Variants in ABCA8 observed in about 807,000 individuals in gnomAD.
ABCA8 encodes the protein ATP binding cassette subfamily A member 8.
In ABCA8, 177 loss-of-function variants were observed where a neutral mutation model predicts 192.3. That is an observed-to-expected ratio of 0.92 (90% confidence interval 0.81 to 1.04). The LOEUF is 1.04. Among genes scored for constraint, ABCA8 ranks in the 50% least tolerant of loss-of-function variants. The pLI, the probability that ABCA8 is intolerant of heterozygous loss-of-function variation, is 0.00. For missense variants in ABCA8, 1,915 were observed against 1,904.8 expected (o/e 1.01, Z -0.10); for synonymous variants, 642 against 690.2 (o/e 0.93, Z 1.09).
intron 11 of ABCA8, 36 bp downstream of exon 11, chr17:68,924,665 C>A (rs2067646903): frequency 6.3e-7 from 1 of 1,593,186 alleles, no homozygotes; most frequent in Non-Finnish European, 8.5e-7. Context: ...TAGCTTCCTG[C>A]CTTTTTGCCC....
chr17:68,882,624 G>A lies in ABCA8; in HGVS notation c.3803C>T (p.Ala1268Val). 1.2e-6 allele frequency: 2 copies of A among 1,612,134 alleles called. No individual in the cohort carries two copies. Among genetic ancestry groups the A allele is most frequent in the Middle Eastern group, 3.3e-4 (2 of 6,056 alleles). ...CTCATCAAAATTAGTAGAATTCAAG[G>A]CATTTGCTGTTCTCACTCTTTCCAT... ...VQMERVRTANALNSTNFDEKP... is the reference protein window; with the variant it reads ...VQMERVRTANVLNSTNFDEKP... The change falls in exon 30 of 40, where the codon GCC (alanine) becomes GTC (valine). Residue 1268 changes from alanine to valine, a missense_variant. Transcript: ENST00000586539.
In ABCA8 at chr17:68,932,483, A is replaced by C. The variant is rs1426037052; in HGVS notation, c.602T>G (p.Leu201Arg). The C allele has an allele frequency of 6.2e-7, 1 of 1,613,792 alleles. No individual in the cohort carries two copies. The highest frequency in any genetic ancestry group is 8.5e-7 in the Non-Finnish European group (1 of 1,179,646). Reference sequence around the variant, plus strand: ...CATATTTTTTCCAGTAACTGACATCAGCTCCTCCATCACTGAGTGATTTGT... The same window carrying C: ...CATATTTTTTCCAGTAACTGACATCCGCTCCTCCATCACTGAGTGATTTGT... ...ITTNHSVMEELMSVTGKNMKM... is the reference protein window; with the variant it reads ...ITTNHSVMEERMSVTGKNMKM... Residue 201 changes from leucine (L) to arginine (R), a missense_variant, in exon 7 of 40, where the codon CTG (leucine) becomes CGG (arginine). Coordinates refer to ENST00000586539, the MANE Select transcript of ABCA8 (RefSeq NM_001288985.2).
In ABCA8 at chr17:68,922,239, T is replaced by A. The variant is rs750734982; in HGVS notation, c.1501+3A>T. On this transcript the variant is annotated splice_donor_region_variant and intron_variant, in intron 12 of 39. Coordinates refer to ENST00000586539, the MANE Select transcript of ABCA8 (RefSeq NM_001288985.2). ...TTTTTTTTTTTTTTTTTTTTTTTTT[T>A]ACCTTTCAAGGCTTCTATTTTATCA... The A allele has an allele frequency of 1.7e-4, 85 of 509,214 alleles. 1 individual carries two copies. The highest frequency in any genetic ancestry group is 7.8e-4 in the African/African-American group (28 of 36,120). 31.5% of individuals were successfully genotyped at this position (509,214 alleles called of 1,614,324 possible). A position where few individuals can be genotyped will look rare whatever the true frequency, so the allele number is the denominator to read the frequency against.
chr17:68,920,557 T>G (rs935870802), intron 13 of ABCA8, among the ~76,000 whole-genome samples: 1 of 152,192 alleles, frequency 6.6e-6, no homozygotes, highest in Non-Finnish European at 1.5e-5. Context: ...CAATTAAATA[T>G]TACATACTTC....
intron 21 of ABCA8, among the ~76,000 whole-genome samples, chr17:68,899,423 G>A (rs2066849924): frequency 1.3e-5 from 2 of 152,002 alleles, no homozygotes; most frequent in Admixed American, 1.3e-4. Context: ...AATACATCAT[G>A]CAAGATAAAA....
At chr17:68,918,930 C>CAAAAAAAAAA (rs34377045) in intron 14 of ABCA8, among the ~76,000 whole-genome samples, 4 of 45,936 alleles carry the variant, frequency 8.7e-5, no homozygotes, top group African/African-American at 3.1e-4. Context: ...AACTCTGTCT[C>CAAAAAAAAAA]AAAAAAAAAA....
intron 32 of ABCA8, chr17:68,878,463 A>G (rs2066260512): frequency 6.6e-6 from 1 of 152,168 alleles, no homozygotes; most frequent in South Asian, 2.1e-4. Context: ...TTGCAAGACA[A>G]GCAGGGATGT....
chr17:68,869,700 C>T lies in ABCA8; in HGVS notation c.4711G>A (p.Val1571Ile), dbSNP rs1475065005. 2 of 1,602,862 alleles carry T rather than the reference C, an allele frequency of 1.2e-6. No individual in the cohort carries two copies. Among genetic ancestry groups the T allele is most frequent in the South Asian group, 1.1e-5 (1 of 90,712 alleles). ...LAQAFFKLEK[V>I]KQSFDLEEYS... ...CGTACTTCAAAGTCATACTTCTTAC[C>T]CTTCTCTAATTTGAAGAAAGCTTGG... Residue 1571 changes from valine to isoleucine, a missense_variant and splice_region_variant, in exon 38 of 40, where the codon GTT becomes ATT. Coordinates refer to ENST00000586539, the MANE Select transcript of ABCA8 (RefSeq NM_001288985.2).
At position 68,867,792 on chromosome 17, in the gene ABCA8, T is replaced by C; in HGVS notation, c.*293A>G. 1 of 215,922 alleles carries C rather than the reference T, an allele frequency of 4.6e-6. No individual in the cohort carries two copies. Among genetic ancestry groups the C allele is most frequent in the East Asian group, 9.8e-5 (1 of 10,168 alleles). The allele number at this position is 215,922 out of a possible 1,614,324, so 13.4% of individuals were successfully genotyped here. A position where few individuals can be genotyped will look rare whatever the true frequency, so the allele number is the denominator to read the frequency against. ...TTAAACAAAATTTGTTTATCTTATC[T>C]AGAAACTTATACGATCATGTAAAAG... On this transcript the variant is annotated 3_prime_UTR_variant, in exon 40 of 40. Transcript: ENST00000586539.
chr17:68,927,798 C>T (rs146874973), intron 10 of ABCA8, 118 bp downstream of exon 10: 4 of 792,268 alleles, frequency 5.0e-6, no homozygotes, highest in Non-Finnish European at 7.5e-6. Context: ...TTGTTCCTCT[C>T]TTTGCTGTTG....
At chr17:68,876,798 G>A (rs1022930789) in intron 33 of ABCA8, 95 bp from the exon 34 acceptor site, 2 of 1,476,926 alleles carry the variant, frequency 1.4e-6, no homozygotes, top group African/African-American at 2.8e-5. Context: ...ACTCAAAAAT[G>A]CAGTTCTGGA....
chr17:68,937,018 G>A lies in ABCA8; in HGVS notation c.399C>T (p.Tyr133=). 1 of 1,610,340 alleles carries A rather than the reference G, an allele frequency of 6.2e-7. No individual in the cohort carries two copies. The highest frequency in any genetic ancestry group is 2.2e-5 in the East Asian group (1 of 44,564). Residue 133 remains tyrosine (Y), a synonymous_variant, in exon 5 of 40, where the codon TAC becomes TAT. Coordinates refer to ENST00000586539, the MANE Select transcript of ABCA8 (RefSeq NM_001288985.2). ...EIVRVTFTNT[Y]SYHLKFLLGH... ...CTAGCAAGAACTTCAAATGATATGAGTATGTATTAGTAAAGGTGACTCTTA... is the reference window on the plus strand; with the variant it reads ...CTAGCAAGAACTTCAAATGATATGAATATGTATTAGTAAAGGTGACTCTTA...
At chr17:68,883,905 A>T (rs371307891) in intron 28 of ABCA8, 23 bp from the exon 29 acceptor site, 2 of 1,368,322 alleles carry the variant, frequency 1.5e-6, no homozygotes, top group African/African-American at 1.5e-5. Context: ...AGAGATGCAC[A>T]ATTAGAAACA....
Position 68,875,244 on chromosome 17 carries a change from C to T in ABCA8, c.4631+16G>A. The stretch of plus-strand genomic sequence containing the variant: ...TGAACATTTGGTACCATTTCCAAAA[C>T]AGCAACCATGTTTACCTTTCCTGCC... On this transcript the variant is annotated intron_variant, in intron 37 of 39. Coordinates refer to ENST00000586539, the MANE Select transcript of ABCA8 (RefSeq NM_001288985.2). The T allele has an allele frequency of 6.2e-7, 1 of 1,612,732 alleles. No homozygotes were observed. The highest frequency in any genetic ancestry group is 8.5e-7 in the Non-Finnish European group (1 of 1,179,916).
Position 68,933,244 on chromosome 17 carries a change from AC to A in ABCA8, c.493del (p.Val165PhefsTer25). The A allele has an allele frequency of 5.0e-6, 8 of 1,612,536 alleles. No individual in the cohort carries two copies. Among genetic ancestry groups the A allele is most frequent in the Non-Finnish European group, 6.8e-6 (8 of 1,179,036 alleles). On this transcript the variant is annotated frameshift_variant, in exon 6 of 40. Transcript: ENST00000586539. LOFTEE classifies it high-confidence loss of function. ...TAHCYETNED[V>X]YCEVSVFWKE... ...CCAAAATACTGAAACTTCACAGTAA[AC>A]ATCTTCATTTGTTTCATAACAATGA...
At chr17:68,918,852 C>A (rs2143609169) in intron 14 of ABCA8, among the ~76,000 whole-genome samples, 1 of 149,092 alleles carries the variant, frequency 6.7e-6, no homozygotes, top group South Asian at 2.1e-4. Flanking sequence ...ATCGCTTGAA[C>A]CTGGGAGGCA....
intron 11 of ABCA8, among the ~76,000 whole-genome samples, chr17:68,923,110 A>G (rs1037395395): frequency 1.3e-5 from 2 of 152,276 alleles, no homozygotes; most frequent in African/African-American, 4.8e-5. Context: ...CATAGGCCAA[A>G]TCAAATTTAT....
intron 26 of ABCA8, 113 bp downstream of exon 26, chr17:68,886,904 T>A: frequency 2.0e-6 from 1 of 507,316 alleles, no homozygotes; most frequent in Non-Finnish European, 3.2e-6. Flanking sequence ...TTTGTAATCT[T>A]GTGTTTATTA....
At chr17:68,941,810 G>T in intron 3 of ABCA8, 129 bp downstream of exon 3, 1 of 596,588 alleles carries the variant, frequency 1.7e-6, no homozygotes. Flanking sequence ...GTTTTCTGTT[G>T]TATAAACGTT....
Sources: allele counts gnomAD v4.1 joint callset (sites outside exome capture counted in the v4.1 genomes callset), GRCh38; gene constraint gnomAD v4.1.1; transcripts MANE v1.5; gene names NCBI Gene and HGNC (gene_info 2026-07-23, HGNC 2026-07-21).